The following CSMD1 variants were observed in gnomAD, a reference collection of about 807,000 sequenced individuals.
CSMD1 encodes CUB and sushi domain-containing protein 1.
In CSMD1, 213 loss-of-function variants were observed where a neutral mutation model predicts 417.5. That is an observed-to-expected ratio of 0.51 (90% CI 0.46 to 0.57). The LOEUF is 0.57. Among genes scored for constraint, CSMD1 ranks in the 20% least tolerant of loss-of-function variants. CSMD1 has a pLI of 0.00. For missense variants in CSMD1, 6,923 were observed against 4,529.7 expected, an observed-to-expected ratio of 1.53 and a Z score of -15.17; for synonymous variants, 2,862 against 1,736.8, an observed-to-expected ratio of 1.65 and a Z score of -16.11.
In CSMD1 at chr8:3,408,037, T is replaced by C; in HGVS notation, c.1933A>G (p.Ile645Val). Reference protein sequence around the residue: ...FDFLAVKDDGISDITVLGTFS... With the variant: ...FDFLAVKDDGVSDITVLGTFS... ...GTACCCAGGACAGTTATGTCAGAAA[T>C]GCCATCATCCTTGACCGCGAGAAAG... The change falls in exon 14 of 70, where the codon ATT becomes GTT. Residue 645 changes from isoleucine (I) to valine (V), a missense_variant. By Grantham distance (29) the Ile-to-Val change is conservative. Transcript: ENST00000635120. The C allele has an allele frequency of 6.2e-7, 1 of 1,613,890 alleles. No homozygotes were observed. The highest frequency in any genetic ancestry group is 8.5e-7 in the Non-Finnish European group (1 of 1,179,886).
intron 2 of CSMD1, among the ~76,000 whole-genome samples, chr8:4,626,128 G>C (rs1157951791): frequency 6.6e-6 from 1 of 152,168 alleles, no homozygotes; most frequent in Non-Finnish European, 1.5e-5. Context: ...ATGAGAAACA[G>C]AGACACTATC....
intron 10 of CSMD1, among the ~76,000 whole-genome samples, chr8:3,528,458 G>C (rs746970768): frequency 5.3e-5 from 8 of 152,156 alleles, no homozygotes; most frequent in Non-Finnish European, 8.8e-5. Context: ...TCTATGCCTT[G>C]CTTCAGCTTC....
chr8:3,330,195 C>A (rs967537201), intron 23 of CSMD1, among the ~76,000 whole-genome samples: 1 of 152,170 alleles, frequency 6.6e-6, no homozygotes, highest in Non-Finnish European at 1.5e-5. Context: ...TAGCATTCTT[C>A]ATTTCATTTT....
In CSMD1 at chr8:3,707,118, G is replaced by A. The variant is rs1052294881; in HGVS notation, c.1009+1296C>T. Among the ~76,000 whole-genome samples, 6 of 152,232 alleles carry A rather than the reference G, an allele frequency of 3.9e-5. No homozygotes were observed. In the South Asian group the frequency reaches 1.0e-3, roughly 26 times the overall value. On this transcript the variant is annotated intron_variant, in intron 7 of 69. Transcript: ENST00000635120. ...CTCTCTGTCCTCTCAACCTGCGCAGGACTGAGCACAGACTATGGATTATTG... is the reference window on the plus strand; with the variant it reads ...CTCTCTGTCCTCTCAACCTGCGCAGAACTGAGCACAGACTATGGATTATTG...
chr8:4,089,509 A>T (rs952835821), intron 3 of CSMD1, among the ~76,000 whole-genome samples: 2 of 152,166 alleles, frequency 1.3e-5, no homozygotes, highest in Non-Finnish European at 2.9e-5. Context: ...CACATTCCAT[A>T]TATCCAAGTC....
intron 3 of CSMD1, among the ~76,000 whole-genome samples, chr8:4,204,043 G>C (rs1799827499): frequency 6.6e-6 from 1 of 152,154 alleles, no homozygotes; most frequent in African/African-American, 2.4e-5. Context: ...AGAAGTTGCG[G>C]TGAGCTGAGA....
chr8:2,982,454 T>G (rs1308099867), intron 54 of CSMD1, among the ~76,000 whole-genome samples: 1 of 152,234 alleles, frequency 6.6e-6, no homozygotes, highest in African/African-American at 2.4e-5. Context: ...AGGTCCTTCC[T>G]ATCCAGTAAT....
At chr8:4,776,505 T>C (rs942233945) in intron 1 of CSMD1, among the ~76,000 whole-genome samples, 6 of 152,112 alleles carry the variant, frequency 3.9e-5, no homozygotes, top group African/African-American at 1.4e-4. Context: ...ACCAACAGCG[T>C]CTCAGGGCCC....
intron 5 of CSMD1, among the ~76,000 whole-genome samples, chr8:3,953,826 C>T (rs960697714): frequency 1.3e-5 from 2 of 152,138 alleles, no homozygotes; most frequent in African/African-American, 2.4e-5. Flanking sequence ...GTCTCATTTT[C>T]CCTGCAGTTC....
At chr8:4,429,089 A>C (rs1394713951) in intron 2 of CSMD1, among the ~76,000 whole-genome samples, 3 of 151,966 alleles carry the variant, frequency 2.0e-5, no homozygotes, top group African/African-American at 7.2e-5. Context: ...ATATATGTCC[A>C]TCATAAAATG....
At chr8:3,984,732 T>C (rs1171056062) in intron 5 of CSMD1, among the ~76,000 whole-genome samples, 2 of 127,470 alleles carry the variant, frequency 1.6e-5, no homozygotes, top group Admixed American at 1.6e-4. Flanking sequence ...TATATATATA[T>C]ATATATATAT....
At chr8:3,246,219 A>T (rs73185548) in intron 26 of CSMD1, among the ~76,000 whole-genome samples, 1 of 152,042 alleles carries the variant, frequency 6.6e-6, no homozygotes, top group Non-Finnish European at 1.5e-5. Flanking sequence ...CCTGCCTGCC[A>T]CACATCCACT....
chr8:3,240,122 A>C (rs916440862), intron 26 of CSMD1, among the ~76,000 whole-genome samples: 8 of 152,236 alleles, frequency 5.3e-5, no homozygotes, highest in Non-Finnish European at 1.2e-4. Context: ...TAGGCAAAAC[A>C]GTAAGGTCAA....
chr8:4,753,067 C>A (rs542336278), intron 1 of CSMD1, among the ~76,000 whole-genome samples: 27 of 152,206 alleles, frequency 1.8e-4, no homozygotes, highest in South Asian at 6.2e-4. Flanking sequence ...TCTCATTTAA[C>A]CCTCACACCA....
intron 3 of CSMD1, among the ~76,000 whole-genome samples, chr8:4,395,460 C>T (rs1258916353): frequency 1.3e-5 from 2 of 151,562 alleles, no homozygotes; most frequent in Non-Finnish European, 2.9e-5. Context: ...AGAATAGCAG[C>T]AAGATTACTG....
At chr8:4,545,932 A>C (rs1020781285) in intron 2 of CSMD1, among the ~76,000 whole-genome samples, 3 of 152,072 alleles carry the variant, frequency 2.0e-5, no homozygotes, top group Non-Finnish European at 4.4e-5. Flanking sequence ...ATTCTTGCCT[A>C]TTCTTTCTCA....
At chr8:3,556,578 G>T (rs1233638380) in intron 10 of CSMD1, among the ~76,000 whole-genome samples, 2 of 148,928 alleles carry the variant, frequency 1.3e-5, no homozygotes, top group Non-Finnish European at 3.0e-5. Flanking sequence ...AAATGGAAAA[G>T]TTCAATATCA....
At chr8:3,930,771 G>C (rs939992877) in intron 5 of CSMD1, among the ~76,000 whole-genome samples, 1 of 150,298 alleles carries the variant, frequency 6.7e-6, no homozygotes, top group African/African-American at 2.5e-5. Flanking sequence ...CGGCACCAGG[G>C]AACAAGCATT....
At chr8:4,912,654 C>T (rs186744893) in intron 1 of CSMD1, among the ~76,000 whole-genome samples, 21 of 152,262 alleles carry the variant, frequency 1.4e-4, no homozygotes, top group Non-Finnish European at 1.5e-4. Context: ...ACATGTAGGT[C>T]AGGAACCAAA....
Sources: allele counts gnomAD v4.1 joint callset (sites outside exome capture counted in the v4.1 genomes callset), GRCh38; gene constraint gnomAD v4.1.1; transcripts MANE v1.5; gene names NCBI Gene and HGNC (gene_info 2026-07-23, HGNC 2026-07-21).